The following LRRFIP1 variants were observed in gnomAD, a reference collection of about 807,000 sequenced individuals.
LRRFIP1 encodes the protein leucine-rich repeat flightless-interacting protein 1.
In LRRFIP1, 62 loss-of-function variants were observed where a neutral mutation model predicts 104.4. The ratio of observed to expected loss-of-function variants is 0.59; its 90% CI spans 0.48 to 0.73. LRRFIP1 has a LOEUF of 0.73. Among genes scored for constraint, LRRFIP1 ranks in the 30% least tolerant of loss-of-function variants. The probability of loss-of-function intolerance (pLI) is 0.00; values close to 1 mark genes in which losing one functional copy is unlikely to be tolerated. For missense variants in LRRFIP1, 796 were observed against 824.5 expected (o/e 0.97, Z 0.42); for synonymous variants, 300 against 299.0 (o/e 1.00, Z -0.03).
chr2:237,651,413 A>G (rs1416642448), intron 1 of LRRFIP1, among the ~76,000 whole-genome samples: 1 of 152,184 alleles, frequency 6.6e-6, no homozygotes, highest in Admixed American at 6.5e-5. Context: ...CTTTTTTCCA[A>G]TTATGTCAAA....
rs2095251970 is a variant in LRRFIP1, at chr2:237,736,506, G to A, written c.555+1173G>A. Among the ~76,000 whole-genome samples the A allele has an allele frequency of 2.0e-5, 3 of 152,178 alleles. No homozygotes were observed. The South Asian group carries it at 6.2e-4, about 32-fold the overall frequency. ...CAAGAGAAATTTCCCCCAAGCACCAGGTGGTTTTCTGGTGGCTTCAGTAGA... is the reference window on the plus strand; with the variant it reads ...CAAGAGAAATTTCCCCCAAGCACCAAGTGGTTTTCTGGTGGCTTCAGTAGA... On this transcript the variant is annotated intron_variant, in intron 10 of 23. Transcript: ENST00000308482.
In LRRFIP1 at chr2:237,691,840, G is replaced by A. The variant is rs1268687613; in HGVS notation, c.97-16704G>A. On this transcript the variant is annotated intron_variant, in intron 1 of 23. Transcript: ENST00000308482. This position sits in a 1 kb window ranked among gnomAD's most constrained non-coding sequence, Gnocchi z 5.4. ...GGTCCTCTTTCCGGCGGGGGCCGGA[G>A]GGGTGGTGATGGACAGCCCGGGAGG... 6.6e-6 allele frequency among the ~76,000 whole-genome samples: 1 copy of A among 152,172 alleles called. No homozygotes were observed. The highest frequency in any genetic ancestry group is 2.4e-5 in the African/African-American group (1 of 41,450).
At chr2:237,686,643 T>C (rs181872120) in intron 1 of LRRFIP1, among the ~76,000 whole-genome samples, 294 of 152,340 alleles carry the variant, frequency 1.9e-3, no homozygotes, top group Non-Finnish European at 2.8e-3. Flanking sequence ...ACAGGGCAGC[T>C]GTGGGAAGGC....
At chr2:237,754,452 G>C (rs188006773) in intron 15 of LRRFIP1, among the ~76,000 whole-genome samples, 2 of 152,220 alleles carry the variant, frequency 1.3e-5, no homozygotes, top group African/African-American at 4.8e-5. Flanking sequence ...ATTCCACGAA[G>C]GCTGGGCTTG....
At chr2:237,739,636 G>A (rs2095355502) in intron 11 of LRRFIP1, among the ~76,000 whole-genome samples, 3 of 152,192 alleles carry the variant, frequency 2.0e-5, no homozygotes, top group Non-Finnish European at 2.9e-5. Context: ...CCCCGACAGT[G>A]TTTAAGGTAA....
intron 8 of LRRFIP1, among the ~76,000 whole-genome samples, chr2:237,730,567 A>G (rs1334470619): frequency 6.6e-6 from 1 of 152,184 alleles, no homozygotes; most frequent in African/African-American, 2.4e-5. Context: ...AGATGAGTAG[A>G]TAGAATGGGA....
intron 3 of LRRFIP1, among the ~76,000 whole-genome samples, chr2:237,715,168 C>T (rs779514020): frequency 1.3e-5 from 2 of 152,182 alleles, no homozygotes; most frequent in Non-Finnish European, 2.9e-5. Flanking sequence ...GCCATGATGA[C>T]GAATCGCCTT....
chr2:237,717,317 TCTC>T lies in LRRFIP1; in HGVS notation c.202-441_202-439del, dbSNP rs933443045. Among the ~76,000 whole-genome samples the T allele has an allele frequency of 2.6e-5, 4 of 152,216 alleles. No homozygotes were observed. Among genetic ancestry groups the T allele is most frequent in the Admixed American group, 1.3e-4 (2 of 15,276 alleles). On this transcript the variant is annotated intron_variant, in intron 3 of 23. Coordinates refer to ENST00000308482, the MANE Select transcript of LRRFIP1 (RefSeq NM_001137550.2). The surrounding 1 kb of genome is among the most constrained non-coding windows in gnomAD (Gnocchi z 4.2). ...AGCGTCAGCACGCAGTTTCTCCCCT[TCTC>T]CTCTCAGTTTCCCTGAGGTCCCAAC...
At chr2:237,756,024 C>T in intron 15 of LRRFIP1, 71 bp from the exon 16 acceptor site, 15 of 926,434 alleles carry the variant, frequency 1.6e-5, no homozygotes, top group Middle Eastern at 2.2e-4. Flanking sequence ...AACTATAAAT[C>T]GTGAGAGCCT....
At chr2:237,673,368 G>T (rs1480424084) in intron 1 of LRRFIP1, among the ~76,000 whole-genome samples, 1 of 152,132 alleles carries the variant, frequency 6.6e-6, no homozygotes, top group African/African-American at 2.4e-5. Context: ...GAGTCTGGAC[G>T]TCACCCCATT....
At chr2:237,753,045 C>G (rs773381582) in intron 14 of LRRFIP1, among the ~76,000 whole-genome samples, 1 of 152,210 alleles carries the variant, frequency 6.6e-6, no homozygotes, top group Non-Finnish European at 1.5e-5. Context: ...GACCACATCC[C>G]TTTCCATACT....
At chr2:237,726,011 A>G (rs1194619478) in intron 7 of LRRFIP1, among the ~76,000 whole-genome samples, 1 of 152,240 alleles carries the variant, frequency 6.6e-6, no homozygotes, top group Non-Finnish European at 1.5e-5. Context: ...TTCTTCTGGA[A>G]TCTAGTTTCT....
At chr2:237,664,459 C>T (rs575553751) in intron 1 of LRRFIP1, among the ~76,000 whole-genome samples, 1 of 152,118 alleles carries the variant, frequency 6.6e-6, no homozygotes, top group Non-Finnish European at 1.5e-5. Context: ...CATGCCGCCT[C>T]GGGAACAGAA....
chr2:237,714,426 A>G, intron 3 of LRRFIP1, 150 bp downstream of exon 3: 2 of 596,640 alleles, frequency 3.4e-6, no homozygotes, highest in Non-Finnish European at 2.9e-6. Flanking sequence ...ATTTGTTTGA[A>G]CAAGAATGCC....
chr2:237,653,970 CAA>C (rs1305894258), intron 1 of LRRFIP1, among the ~76,000 whole-genome samples: 16 of 152,086 alleles, frequency 1.1e-4, no homozygotes, highest in Admixed American at 3.9e-4. Flanking sequence ...GGATATGACT[CAA>C]GAGCACAGGC....
intron 19 of LRRFIP1, chr2:237,762,976 G>GA (rs760052659): frequency 6.8e-6 from 11 of 1,614,134 alleles, no homozygotes; most frequent in Non-Finnish European, 8.5e-7. Flanking sequence ...ACCACACAGA[G>GA]AATGTGGGAG....
At chr2:237,759,349 G>C (rs755661295) in intron 18 of LRRFIP1, among the ~76,000 whole-genome samples, 1 of 152,086 alleles carries the variant, frequency 6.6e-6, no homozygotes, top group Non-Finnish European at 1.5e-5. Flanking sequence ...CACTCTGGGT[G>C]GGGGGGTTCC....
rs1029779913 is a variant in LRRFIP1 at position 237,703,539 on chromosome 2, T to A, written c.97-5005T>A. Among the ~76,000 whole-genome samples the A allele has an allele frequency of 6.6e-6, 1 of 152,106 alleles. No homozygotes were observed. The highest frequency in any genetic ancestry group is 6.5e-5 in the Admixed American group (1 of 15,270). On this transcript the variant is annotated intron_variant, in intron 1 of 23. Coordinates refer to ENST00000308482, the MANE Select transcript of LRRFIP1 (RefSeq NM_001137550.2). This position sits in a 1 kb window ranked among gnomAD's most constrained non-coding sequence, Gnocchi z 4.3. ...GCACCCCAGGCGTCTGCACTCCTTG[T>A]CACCAGCTCCTGGTCGCAGCCACCC...
chr2:237,628,778 A>G (rs1351137202), intron 1 of LRRFIP1, among the ~76,000 whole-genome samples: 2 of 152,100 alleles, frequency 1.3e-5, no homozygotes, highest in East Asian at 3.8e-4. Flanking sequence ...ATTCTGGGGG[A>G]TCTACTCTGT....
Sources: allele counts gnomAD v4.1 joint callset (sites outside exome capture counted in the v4.1 genomes callset), GRCh38; gene constraint gnomAD v4.1.1; non-coding constraint Gnocchi (gnomAD v3.1); transcripts MANE v1.5; gene names NCBI Gene and HGNC (gene_info 2026-07-23, HGNC 2026-07-21).